The following SRL variants were observed in gnomAD, a reference collection of about 807,000 sequenced individuals.
The protein encoded by SRL is sarcalumenin.
SRL carries 23 observed loss-of-function variants against 39.5 expected under a neutral mutation model. The ratio of observed to expected loss-of-function variants is 0.58; its 90% confidence interval spans 0.42 to 0.82. The LOEUF (loss-of-function observed/expected upper bound fraction) is 0.82. Among genes scored for constraint, SRL ranks in the 40% least tolerant of loss-of-function variants. The probability of loss-of-function intolerance (pLI) is 0.00; values close to 1 mark genes in which losing one functional copy is unlikely to be tolerated. For synonymous variants in SRL, 272 were observed against 237.4 expected, an observed-to-expected ratio of 1.15 and a Z score of -1.34; for missense variants, 592 against 607.8, an observed-to-expected ratio of 0.97 and a Z score of 0.27.
At chr16:4,214,011 C>A (rs2052425302) in intron 1 of SRL, among the ~76,000 whole-genome samples, 1 of 152,174 alleles carries the variant, frequency 6.6e-6, no homozygotes, top group Non-Finnish European at 1.5e-5. Context: ...AGCCCAGATA[C>A]CCAGCTTCTG....
intron 1 of SRL, among the ~76,000 whole-genome samples, chr16:4,227,493 T>A (rs2052606699): frequency 6.8e-6 from 1 of 148,114 alleles, no homozygotes; most frequent in Non-Finnish European, 1.5e-5. Context: ...GATAGATGAG[T>A]GGATGGGATG....
Position 4,203,153 on chromosome 16 carries a change from T to C in SRL, c.259+13A>G. The C allele has an allele frequency of 6.2e-7, 1 of 1,612,686 alleles. No individual in the cohort carries two copies. The highest frequency in any genetic ancestry group is 8.5e-7 in the Non-Finnish European group (1 of 1,178,670). ...CCGTAATCTCAAGCCCTACCTGTTATCTCAAGCCCTACCTGTGATCTCATG... is the reference window on the plus strand; with the variant it reads ...CCGTAATCTCAAGCCCTACCTGTTACCTCAAGCCCTACCTGTGATCTCATG... On this transcript the variant is annotated intron_variant, in intron 3 of 5. Coordinates refer to ENST00000399609, the MANE Select transcript of SRL (RefSeq NM_001098814.2).
chr16:4,241,626 A>T (rs553385436), intron 1 of SRL, among the ~76,000 whole-genome samples: 1 of 152,270 alleles, frequency 6.6e-6, no homozygotes, highest in Admixed American at 6.5e-5. Flanking sequence ...ACCAGGTGGG[A>T]GGGTCACCTC....
intron 1 of SRL, among the ~76,000 whole-genome samples, chr16:4,230,078 G>A (rs2052642135): frequency 6.6e-6 from 1 of 151,940 alleles, no homozygotes; most frequent in Admixed American, 6.6e-5. Flanking sequence ...CTAGGAACTG[G>A]GCAATTCTGG....
chr16:4,218,336 G>A lies in SRL; in HGVS notation c.62-13702C>T, dbSNP rs187764811. Among the ~76,000 whole-genome samples the A allele has an allele frequency of 1.4e-4, 21 of 152,262 alleles. No homozygotes were observed. The East Asian group carries it at 3.1e-3, about 22-fold the overall frequency. ...AAGCCCTTTCCGAAGGCAGAGGACC[G>A]GTAAGGGCCCTTCAAAGCTCTCTGA... On this transcript the variant is annotated intron_variant, in intron 1 of 5. Transcript: ENST00000399609.
intron 1 of SRL, among the ~76,000 whole-genome samples, chr16:4,225,203 T>C (rs949248058): frequency 2.0e-5 from 3 of 152,170 alleles, no homozygotes; most frequent in South Asian, 4.1e-4. Flanking sequence ...CATATATCTG[T>C]GAATATACTA....
At chr16:4,224,014 G>A (rs1359013800) in intron 1 of SRL, among the ~76,000 whole-genome samples, 1 of 152,146 alleles carries the variant, frequency 6.6e-6, no homozygotes. Context: ...AGAGAGAGGA[G>A]CAGCTGGTGG....
At chr16:4,232,775 G>T (rs1051980160) in intron 1 of SRL, among the ~76,000 whole-genome samples, 1 of 152,242 alleles carries the variant, frequency 6.6e-6, no homozygotes, top group African/African-American at 2.4e-5. Context: ...ACCTCCCAAA[G>T]TGCTGGGATT....
rs541720999 is a variant in SRL at position 4,221,115 on chromosome 16, C to T, written c.62-16481G>A. Among the ~76,000 whole-genome samples, 6 of 151,724 alleles carry T rather than the reference C, an allele frequency of 4.0e-5. No homozygotes were observed. The South Asian group carries it at 1.0e-3, about 26-fold the overall frequency. ...TCAGGCTGGAGTGCAGTGGCACTATCTCAGGTCACTGCAACCTCTGCCTCC... is the reference window on the plus strand; with the variant it reads ...TCAGGCTGGAGTGCAGTGGCACTATTTCAGGTCACTGCAACCTCTGCCTCC... On this transcript the variant is annotated intron_variant, in intron 1 of 5. Transcript: ENST00000399609.
intron 1 of SRL, among the ~76,000 whole-genome samples, chr16:4,241,683 C>T (rs2052774977): frequency 6.6e-6 from 1 of 152,158 alleles, no homozygotes; most frequent in Admixed American, 6.6e-5. Context: ...GTCTCAGAGG[C>T]TCCCCCGTCT....
chr16:4,196,116 A>C (rs1380552984), intron 4 of SRL, among the ~76,000 whole-genome samples: 2 of 151,970 alleles, frequency 1.3e-5, no homozygotes, highest in Admixed American at 6.6e-5. Flanking sequence ...ACTCGCCACC[A>C]TGCCTGGCTA....
intron 1 of SRL, chr16:4,207,885 TC>T: frequency 2.2e-6 from 1 of 456,556 alleles, no homozygotes; most frequent in Non-Finnish European, 4.4e-6. Context: ...GAGGCTGGCT[TC>T]AGGATCGGGG....
intron 1 of SRL, among the ~76,000 whole-genome samples, chr16:4,231,271 G>C (rs1463971702): frequency 6.6e-6 from 1 of 152,158 alleles, no homozygotes; most frequent in Non-Finnish European, 1.5e-5. Flanking sequence ...AGCAGAGATT[G>C]CACCACTGCA....
At chr16:4,207,706 G>T in intron 1 of SRL, 1 of 413,744 alleles carries the variant, frequency 2.4e-6, no homozygotes, top group Non-Finnish European at 4.8e-6. Flanking sequence ...TCCTCTCCTT[G>T]TCCCTCTCCA....
chr16:4,222,471 T>C (rs2052541255), intron 1 of SRL, among the ~76,000 whole-genome samples: 2 of 152,292 alleles, frequency 1.3e-5, no homozygotes, highest in African/African-American at 4.8e-5. Context: ...TACGGGGTTT[T>C]GCCATGTTGC....
intron 1 of SRL, among the ~76,000 whole-genome samples, chr16:4,237,140 T>C (rs1375910569): frequency 5.3e-5 from 8 of 151,870 alleles, no homozygotes; most frequent in African/African-American, 1.9e-4. Context: ...TTTTCTATGT[T>C]GTCCAGGCTG....
At chr16:4,204,902 T>C (rs1482093574) in intron 1 of SRL, among the ~76,000 whole-genome samples, 1 of 152,174 alleles carries the variant, frequency 6.6e-6, no homozygotes, top group Non-Finnish European at 1.5e-5. Context: ...ATTCAACAAA[T>C]ATGCATTGAA....
Position 4,222,900 on chromosome 16 carries a change from C to A in SRL, c.62-18266G>T, listed in dbSNP as rs147854214. 3.0e-3 allele frequency among the ~76,000 whole-genome samples: 457 copies of A among 152,216 alleles called. 2 individuals are homozygous for A. The highest frequency in any genetic ancestry group is 1.0e-2 in the African/African-American group (415 of 41,544). ...CCTGAGGTCAGGAGTTTGAGACCAG[C>A]CTGGCCAACATGGTGAAGCCCCGTC... On this transcript the variant is annotated intron_variant, in intron 1 of 5. Transcript: ENST00000399609.
At chr16:4,224,720 G>A (rs1416092885) in intron 1 of SRL, among the ~76,000 whole-genome samples, 9 of 145,862 alleles carry the variant, frequency 6.2e-5, no homozygotes, top group Admixed American at 2.8e-4. Flanking sequence ...ACCCTATCTC[G>A]AGAAAAAAAA....
Sources: allele counts gnomAD v4.1 joint callset (sites outside exome capture counted in the v4.1 genomes callset), GRCh38; gene constraint gnomAD v4.1.1; transcripts MANE v1.5; gene names NCBI Gene and HGNC (gene_info 2026-07-23, HGNC 2026-07-21).